Variants in PRKCE observed in about 807,000 individuals in gnomAD.
PRKCE encodes the protein protein kinase C epsilon.
A neutral mutation model predicts 85.4 loss-of-function variants in PRKCE; 16 were observed. The ratio of observed to expected loss-of-function variants is 0.19; its 90% CI spans 0.13 to 0.28. PRKCE has a LOEUF of 0.28. PRKCE is among the 10% of genes least tolerant of loss of function. PRKCE has a pLI of 1.00. For synonymous variants in PRKCE, 388 were observed against 371.5 expected (o/e 1.04, Z -0.51); for missense variants, 573 against 975.2 (o/e 0.59, Z 5.49).
chr2:45,808,265 G>T lies in PRKCE; in HGVS notation c.349-34735G>T, dbSNP rs185464768. ...TTTACCATTATGAGCACTGGAGTAG[G>T]GCACATGGTAGACACTCAGTATATA... On this transcript the variant is annotated intron_variant, in intron 1 of 14. Coordinates refer to ENST00000306156, the MANE Select transcript of PRKCE (RefSeq NM_005400.3). Among the ~76,000 whole-genome samples the T allele has an allele frequency of 2.6e-3, 398 of 152,224 alleles. 4 individuals carry two copies. The highest frequency in any genetic ancestry group is 9.1e-3 in the African/African-American group (379 of 41,542).
intron 1 of PRKCE, among the ~76,000 whole-genome samples, chr2:45,841,680 C>A (rs1691360620): frequency 6.6e-6 from 1 of 152,220 alleles, no homozygotes; most frequent in Admixed American, 6.5e-5. Context: ...CAAGTTGACA[C>A]TCAATATTAA....
intron 1 of PRKCE, among the ~76,000 whole-genome samples, chr2:45,832,564 G>C (rs558284888): frequency 6.6e-6 from 1 of 152,180 alleles, no homozygotes; most frequent in East Asian, 1.9e-4. Flanking sequence ...GCCCACCTCA[G>C]CCTCCCAAAG....
At chr2:45,972,437 G>T (rs1702171193) in intron 2 of PRKCE, among the ~76,000 whole-genome samples, 1 of 152,108 alleles carries the variant, frequency 6.6e-6, no homozygotes, top group Non-Finnish European at 1.5e-5. Context: ...TCTGTCGATT[G>T]TTTCCTTTGC....
intron 10 of PRKCE, among the ~76,000 whole-genome samples, chr2:46,064,867 G>A (rs575679573): frequency 1.2e-4 from 19 of 152,262 alleles, no homozygotes; most frequent in African/African-American, 4.3e-4. Flanking sequence ...CCTTTCATGT[G>A]GGTGTGGGGA....
intron 1 of PRKCE, among the ~76,000 whole-genome samples, chr2:45,776,206 A>T (rs752718911): frequency 4.6e-5 from 7 of 152,228 alleles, no homozygotes; most frequent in Non-Finnish European, 5.9e-5. Flanking sequence ...TCTGTGCATA[A>T]CATGGGTTGA....
In PRKCE at chr2:45,741,716, G is replaced by T. The variant is rs564471239; in HGVS notation, c.348+89268G>T. On this transcript the variant is annotated intron_variant, in intron 1 of 14. Transcript: ENST00000306156. The stretch of plus-strand genomic sequence containing the variant: ...GCGGGCTGTGGTCTTGGAAGGGAAG[G>T]TTCAAGGGGTGGTGCAAGGCTAGTA... Among the ~76,000 whole-genome samples the T allele has an allele frequency of 2.2e-4, 34 of 151,396 alleles. No homozygotes were observed. In the South Asian group the frequency reaches 6.8e-3, roughly 30 times the overall value.
intron 2 of PRKCE, among the ~76,000 whole-genome samples, chr2:45,939,108 C>G (rs991561622): frequency 1.3e-5 from 2 of 152,180 alleles, no homozygotes; most frequent in East Asian, 3.8e-4. Flanking sequence ...TGTTTCTTCT[C>G]CCGGAAAATA....
At chr2:46,087,913 G>A (rs1014918722) in intron 11 of PRKCE, among the ~76,000 whole-genome samples, 5 of 152,146 alleles carry the variant, frequency 3.3e-5, no homozygotes, top group South Asian at 2.1e-4. Flanking sequence ...CTTTTCTGCC[G>A]TAAGTCTCTA....
chr2:46,152,335 T>A (rs549673345), intron 13 of PRKCE, among the ~76,000 whole-genome samples: 1 of 148,238 alleles, frequency 6.7e-6, no homozygotes, highest in African/African-American at 2.5e-5. Flanking sequence ...GCACCCGCCA[T>A]CATGCCTGGC....
In PRKCE at chr2:45,985,177, C is replaced by T. The variant is rs1488687568; in HGVS notation, c.823+497C>T. Among the ~76,000 whole-genome samples, 3 of 152,044 alleles carry T rather than the reference C, an allele frequency of 2.0e-5. 1 individual carries two copies. The highest frequency in any genetic ancestry group is 4.4e-5 in the Non-Finnish European group (3 of 68,028). On this transcript the variant is annotated intron_variant, in intron 6 of 14. Transcript: ENST00000306156. ...GACATAGGGGATATTATTCCCATGG[C>T]CCTGGTGAGGAAACGGAGGCTCAGA...
At chr2:45,677,809 C>T (rs1389652503) in intron 1 of PRKCE, 4 of 982,408 alleles carry the variant, frequency 4.1e-6, no homozygotes, top group African/African-American at 1.8e-5. Flanking sequence ...TGCTTTAGAT[C>T]GTTGTGGAAA....
At position 45,838,174 on chromosome 2, in the gene PRKCE, G is replaced by A. The variant is rs377104297; in HGVS notation, c.349-4826G>A. On this transcript the variant is annotated intron_variant, in intron 1 of 14. Coordinates refer to ENST00000306156, the MANE Select transcript of PRKCE (RefSeq NM_005400.3). ...CTTCCAGGTCTGCCTGGGGAAGCCA[G>A]TGACACCTGAAAAGGGGAATGAGCC... is the stretch of plus-strand genomic sequence containing the variant. Among the ~76,000 whole-genome samples the A allele has an allele frequency of 4.6e-5, 7 of 152,218 alleles. No homozygotes were observed. In the South Asian group the frequency reaches 6.2e-4, roughly 13 times the overall value.
At chr2:45,833,640 G>T (rs1303476104) in intron 1 of PRKCE, among the ~76,000 whole-genome samples, 2 of 152,096 alleles carry the variant, frequency 1.3e-5, no homozygotes, top group Admixed American at 1.3e-4. Context: ...TTGGAACCCG[G>T]GTAGGCTAGC....
chr2:46,159,645 G>A lies in PRKCE; in HGVS notation c.1960G>A (p.Ala654Thr), dbSNP rs35777875. ...KNPHKRLGCV[A>T]SQNGEDAIKQ... Reference sequence around the variant, plus strand: ...TCCCCACAAGCGCCTGGGCTGTGTGGCATCGCAGAATGGCGAGGACGCCAT... The same window carrying A: ...TCCCCACAAGCGCCTGGGCTGTGTGACATCGCAGAATGGCGAGGACGCCAT... The change falls in exon 14 of 15, where the codon GCA becomes ACA. Residue 654 changes from alanine (A) to threonine (T), a missense_variant. Ala to Thr is a moderately conservative substitution (Grantham distance 58, BLOSUM62 0). This residue lies in a region of PRKCE where 72 missense variants were observed against 166.0 expected (regional missense o/e 0.43). Transcript: ENST00000306156. This position sits in a 1 kb window ranked among gnomAD's most constrained non-coding sequence, Gnocchi z 4.1. 2.3e-3 allele frequency: 3,608 copies of A among 1,599,266 alleles called. 66 individuals carry two copies. In the African/African-American group the frequency reaches 0.04, roughly 18 times the overall value.
At chr2:45,670,765 G>C (rs781213262) in intron 1 of PRKCE, among the ~76,000 whole-genome samples, 4 of 152,220 alleles carry the variant, frequency 2.6e-5, no homozygotes, top group Non-Finnish European at 4.4e-5. Flanking sequence ...ATTTGTAGAG[G>C]AGGTGGCTTT....
chr2:45,662,971 C>A (rs1225666220), intron 1 of PRKCE, among the ~76,000 whole-genome samples: 2 of 152,136 alleles, frequency 1.3e-5, no homozygotes, highest in African/African-American at 4.8e-5. Context: ...GTTTAGGTAG[C>A]TGAGAGAATC....
intron 14 of PRKCE, among the ~76,000 whole-genome samples, chr2:46,160,481 C>T (rs61759998): frequency 0.03 from 4,503 of 152,296 alleles, 84 homozygotes; most frequent in East Asian, 0.079. Context: ...AAAGTTACAG[C>T]GTGTGTTATC....
chr2:45,683,352 A>G (rs1210385265), intron 1 of PRKCE, among the ~76,000 whole-genome samples: 1 of 152,250 alleles, frequency 6.6e-6, no homozygotes, highest in Middle Eastern at 3.2e-3. Flanking sequence ...AAGTGGCATT[A>G]GGAAATGTGA....
intron 9 of PRKCE, among the ~76,000 whole-genome samples, chr2:46,008,142 T>G (rs1031274387): frequency 2.6e-5 from 4 of 152,222 alleles, no homozygotes; most frequent in African/African-American, 9.6e-5. Context: ...GTTATTTAAC[T>G]GATCTTTCTG....
Sources: allele counts gnomAD v4.1 joint callset (sites outside exome capture counted in the v4.1 genomes callset), GRCh38; gene constraint gnomAD v4.1.1; regional missense constraint gnomAD v4.1.1; non-coding constraint Gnocchi (gnomAD v3.1); transcripts MANE v1.5; gene names NCBI Gene and HGNC (gene_info 2026-07-23, HGNC 2026-07-21).